The following PPP1R9A variants were observed in gnomAD, a reference collection of about 807,000 sequenced individuals.
PPP1R9A encodes the protein neurabin-1.
PPP1R9A carries 59 observed loss-of-function variants against 141.9 expected under a neutral mutation model. The observed-to-expected ratio is 0.42, with a 90% CI of 0.34 to 0.52. The LOEUF (loss-of-function observed/expected upper bound fraction) is 0.52. Ranked by LOEUF, PPP1R9A falls within the 20% of genes least tolerant of loss-of-function variation. PPP1R9A has a pLI of 0.10. For synonymous variants in PPP1R9A, 500 were observed against 569.7 expected, an observed-to-expected ratio of 0.88 and a Z score of 1.74; for missense variants, 1,444 against 1,611.9, an observed-to-expected ratio of 0.90 and a Z score of 1.78.
At chr7:94,932,903 A>G (rs1439646367) in intron 2 of PPP1R9A, among the ~76,000 whole-genome samples, 1 of 151,992 alleles carries the variant, frequency 6.6e-6, no homozygotes, top group East Asian at 1.9e-4. Context: ...TATGTGGAAC[A>G]GAGTGAACCA....
At chr7:95,214,415 T>C (rs1161651944) in intron 7 of PPP1R9A, 1 of 152,270 alleles carries the variant, frequency 6.6e-6, no homozygotes, top group Non-Finnish European at 1.5e-5. Flanking sequence ...CATCAGCTCC[T>C]TGGGATGTGG....
chr7:95,295,251 A>G lies in PPP1R9A; in HGVS notation c.*4948A>G, dbSNP rs1806948765. ...GCGTTGTGTATACATTGAATGGCTC[A>G]TAGATTTTAAGAGATTTTTTTATTG... is the stretch of plus-strand genomic sequence containing the variant. On this transcript the variant is annotated 3_prime_UTR_variant, in exon 20 of 20. Coordinates refer to ENST00000433360, the MANE Select transcript of PPP1R9A (RefSeq NM_001166160.2). 1.3e-5 allele frequency: 2 copies of G among 152,774 alleles called. No individual in the cohort carries two copies. Among genetic ancestry groups the G allele is most frequent in the East Asian group, 3.9e-4 (2 of 5,178 alleles). The allele number at this position is 152,774 out of a possible 1,614,324, so 9.5% of individuals were successfully genotyped here.
chr7:94,956,665 G>A (rs547294438), intron 2 of PPP1R9A, among the ~76,000 whole-genome samples: 25 of 152,090 alleles, frequency 1.6e-4, no homozygotes, highest in African/African-American at 5.3e-4. Context: ...CTATGATTGC[G>A]CTACTGCACT....
chr7:95,102,629 A>G (rs367686986), intron 2 of PPP1R9A, among the ~76,000 whole-genome samples: 4 of 152,152 alleles, frequency 2.6e-5, no homozygotes, highest in Non-Finnish European at 5.9e-5. Flanking sequence ...AGTCCTAGCT[A>G]GGTTGGCTTT....
chr7:95,217,620 G>A lies in PPP1R9A; in HGVS notation c.1957-8341G>A, dbSNP rs564193197. Among the ~76,000 whole-genome samples, 701 of 152,128 alleles carry A rather than the reference G, an allele frequency of 4.6e-3. 4 individuals carry two copies. The highest frequency in any genetic ancestry group is 0.015 in the African/African-American group (634 of 41,500). ...GGTCCTGGACTTTTTTTGGTTGGTAGGCTCTTAATTATTGCCTCAATTTCA... is the reference window on the plus strand; with the variant it reads ...GGTCCTGGACTTTTTTTGGTTGGTAAGCTCTTAATTATTGCCTCAATTTCA... On this transcript the variant is annotated intron_variant, in intron 7 of 19. Coordinates refer to ENST00000433360, the MANE Select transcript of PPP1R9A (RefSeq NM_001166160.2).
chr7:95,201,145 C>T (rs1789487281), intron 6 of PPP1R9A, among the ~76,000 whole-genome samples: 1 of 152,158 alleles, frequency 6.6e-6, no homozygotes, highest in African/African-American at 2.4e-5. Flanking sequence ...CTCTATGCAA[C>T]AGTCCATAAG....
chr7:95,251,847 C>T lies in PPP1R9A; in HGVS notation c.2482C>T (p.Leu828Phe), dbSNP rs2153008260. Residue 828 changes from leucine to phenylalanine, a missense_variant, in exon 11 of 20, where the codon CTC (leucine) becomes TTC (phenylalanine). Transcript: ENST00000433360. ...AGCTCATCTTGTGGAAGTGCAAGGCCTCCAAGTGCGGGTAAGTTGTGTTCC... is the reference window on the plus strand; with the variant it reads ...AGCTCATCTTGTGGAAGTGCAAGGCTTCCAAGTGCGGGTAAGTTGTGTTCC... The part of the protein sequence containing the change: ...EKAHLVEVQG[L>F]QVRIRDLEAE... 1 of 1,613,802 alleles carries T rather than the reference C, an allele frequency of 6.2e-7. No individual in the cohort carries two copies. The highest frequency in any genetic ancestry group is 8.5e-7 in the Non-Finnish European group (1 of 1,179,878).
chr7:94,988,466 T>G (rs1308895758), intron 2 of PPP1R9A, among the ~76,000 whole-genome samples: 1 of 152,004 alleles, frequency 6.6e-6, no homozygotes, highest in Middle Eastern at 3.2e-3. Flanking sequence ...TGACACTGTG[T>G]GTATTTAAGT....
intron 2 of PPP1R9A, among the ~76,000 whole-genome samples, chr7:95,076,291 C>A (rs1211632570): frequency 1.3e-5 from 2 of 152,152 alleles, no homozygotes; most frequent in Non-Finnish European, 2.9e-5. Context: ...GCATATTTTG[C>A]AATGGCCTAC....
chr7:94,962,989 T>G (rs1050979995), intron 2 of PPP1R9A, among the ~76,000 whole-genome samples: 1 of 152,112 alleles, frequency 6.6e-6, no homozygotes, highest in African/African-American at 2.4e-5. Context: ...TGACTTACTT[T>G]TAAATACATG....
chr7:95,201,021 G>A (rs1288124335), intron 6 of PPP1R9A, among the ~76,000 whole-genome samples: 3 of 152,140 alleles, frequency 2.0e-5, no homozygotes, highest in Non-Finnish European at 4.4e-5. Flanking sequence ...CAGAATAACT[G>A]GGTAACAAAA....
At chr7:95,154,742 T>C (rs1261086714) in intron 4 of PPP1R9A, 1 of 152,172 alleles carries the variant, frequency 6.6e-6, no homozygotes, top group Non-Finnish European at 1.5e-5. Context: ...ATTGTAGCTT[T>C]AATTATAACA....
intron 8 of PPP1R9A, among the ~76,000 whole-genome samples, chr7:95,243,161 A>G (rs1563487107): frequency 6.6e-6 from 1 of 152,160 alleles, no homozygotes; most frequent in South Asian, 2.1e-4. Context: ...AGTAGGGTCC[A>G]CGTCTGGACA....
intron 8 of PPP1R9A, among the ~76,000 whole-genome samples, chr7:95,233,033 G>T (rs1338940597): frequency 6.6e-6 from 1 of 152,088 alleles, no homozygotes; most frequent in African/African-American, 2.4e-5. Context: ...ATACCCAAAG[G>T]ATTATAAATC....
At chr7:94,946,796 AT>A (rs1795941983) in intron 2 of PPP1R9A, among the ~76,000 whole-genome samples, 1 of 152,140 alleles carries the variant, frequency 6.6e-6, no homozygotes, top group Non-Finnish European at 1.5e-5. Context: ...TAGTTACTGT[AT>A]TTTAAATGCT....
intron 6 of PPP1R9A, among the ~76,000 whole-genome samples, chr7:95,203,161 CT>C (rs928589234): frequency 5.3e-5 from 8 of 150,916 alleles, no homozygotes; most frequent in African/African-American, 4.9e-5. Flanking sequence ...ATTATAGCAA[CT>C]TTTTTTTTAG....
chr7:94,940,171 G>A (rs186653350), intron 2 of PPP1R9A, among the ~76,000 whole-genome samples: 1 of 151,934 alleles, frequency 6.6e-6, no homozygotes, highest in Admixed American at 6.6e-5. Context: ...AGTAACTTTC[G>A]GACAGTAACT....
chr7:94,942,324 T>TA (rs1327683039), intron 2 of PPP1R9A, among the ~76,000 whole-genome samples: 1 of 152,176 alleles, frequency 6.6e-6, no homozygotes, highest in Non-Finnish European at 1.5e-5. Flanking sequence ...GGAGAATAAA[T>TA]ATTATGAACT....
chr7:95,150,325 C>T (rs966233167), intron 4 of PPP1R9A, among the ~76,000 whole-genome samples: 4 of 152,114 alleles, frequency 2.6e-5, no homozygotes, highest in South Asian at 2.1e-4. Flanking sequence ...ATTTTTGAGA[C>T]GGAGTCTTGC....
Sources: allele counts gnomAD v4.1 joint callset (sites outside exome capture counted in the v4.1 genomes callset), GRCh38; gene constraint gnomAD v4.1.1; transcripts MANE v1.5; gene names NCBI Gene and HGNC (gene_info 2026-07-23, HGNC 2026-07-21).